The following COG7 variants were observed in gnomAD, a reference collection of about 807,000 sequenced individuals.
The protein encoded by COG7 is component of oligomeric golgi complex 7.
Under a neutral mutation model 91.5 loss-of-function variants are expected in COG7, and 49 were observed. The ratio of observed to expected loss-of-function variants is 0.54; its 90% confidence interval spans 0.43 to 0.68. COG7 has a LOEUF of 0.68. Among genes scored for constraint, COG7 ranks in the 30% least tolerant of loss-of-function variants. The probability of loss-of-function intolerance (pLI) is 0.00; values close to 1 mark genes in which losing one functional copy is unlikely to be tolerated. For missense variants in COG7, 895 were observed against 961.3 expected (o/e 0.93, Z 0.91); for synonymous variants, 365 against 388.7 (o/e 0.94, Z 0.72).
In COG7 at chr16:23,451,668, A is replaced by C. The variant is rs76055072; in HGVS notation, c.169+1158T>G. On this transcript the variant is annotated intron_variant, in intron 1 of 16. Transcript: ENST00000307149. The stretch of plus-strand genomic sequence containing the variant: ...CCAGAGTTTGAGGCTGCAGTGAACT[A>C]TGATGGTATCACTGCATTCCAGCTT... Among the ~76,000 whole-genome samples the C allele has an allele frequency of 1.1e-4, 17 of 149,116 alleles. 1 individual carries two copies. In the East Asian group the frequency reaches 3.4e-3, roughly 30 times the overall value.
Position 23,403,774 on chromosome 16 carries a change from T to C in COG7, c.1723A>G (p.Asn575Asp). 1 of 1,614,240 alleles carries C rather than the reference T, an allele frequency of 6.2e-7. No individual in the cohort carries two copies. The highest frequency in any genetic ancestry group is 8.5e-7 in the Non-Finnish European group (1 of 1,180,046). Residue 575 changes from asparagine to aspartate, a missense_variant, in exon 13 of 17, where the codon AAC (asparagine) becomes GAC (aspartate). Asn to Asp is a conservative substitution (Grantham distance 23). Coordinates refer to ENST00000307149, the MANE Select transcript of COG7 (RefSeq NM_153603.4). ...AAAGCCAGCTGGTGGGCCTGCTGGT[T>C]AAGCCGAGTCAGCGCTGCTCGAGGT... ...AAPRAALTRLNQQAHQLAFDS... is the reference protein window; with the variant it reads ...AAPRAALTRLDQQAHQLAFDS...
chr16:23,392,460 G>A lies in COG7; in HGVS notation c.2066C>T (p.Thr689Ile). The A allele has an allele frequency of 6.2e-7, 1 of 1,614,174 alleles. No individual in the cohort carries two copies. The highest frequency in any genetic ancestry group is 1.7e-5 in the Admixed American group (1 of 60,022). The change falls in exon 16 of 17, where the codon ACA (threonine) becomes ATA (isoleucine). Residue 689 changes from threonine to isoleucine, a missense_variant. Physicochemically the swap from Thr to Ile is moderately conservative, Grantham distance 89. Coordinates refer to ENST00000307149, the MANE Select transcript of COG7 (RefSeq NM_153603.4). ...DNWLGSIARA[T>I]MQTYCDAILQ... ...GATCGCATCACAGTAGGTCTGCATT[G>A]TGGCTCTGGCGATCGAGCCCAGCCA...
chr16:23,443,422 G>A (rs1596955961), intron 3 of COG7, among the ~76,000 whole-genome samples: 1 of 152,314 alleles, frequency 6.6e-6, no homozygotes, highest in South Asian at 2.1e-4. Context: ...CGGGAAGGGT[G>A]GCTCACGCCC....
chr16:23,404,248 C>T (rs963771077), intron 12 of COG7, among the ~76,000 whole-genome samples: 26 of 152,190 alleles, frequency 1.7e-4, no homozygotes, highest in African/African-American at 5.8e-4. Context: ...CCCTAATTCC[C>T]GGGGAGGTCA....
chr16:23,433,938 G>C (rs910763283), intron 5 of COG7, among the ~76,000 whole-genome samples: 6 of 152,020 alleles, frequency 3.9e-5, no homozygotes, highest in African/African-American at 1.2e-4. Context: ...GCAACCACTT[G>C]GCACACCATC....
chr16:23,406,590 T>C (rs1195440844), intron 11 of COG7, among the ~76,000 whole-genome samples: 1 of 152,222 alleles, frequency 6.6e-6, no homozygotes, highest in Non-Finnish European at 1.5e-5. Context: ...TGGAGACTTT[T>C]CTTGCTATAT....
rs1166660536 is a variant in COG7 at position 23,417,075 on chromosome 16, A to G, written c.1184T>C (p.Val395Ala). The G allele has an allele frequency of 1.2e-6, 2 of 1,614,232 alleles. No homozygotes were observed. The change falls in exon 9 of 17, where the codon GTG (valine) becomes GCG (alanine). Residue 395 changes from valine (V) to alanine (A), a missense_variant. Coordinates refer to ENST00000307149, the MANE Select transcript of COG7 (RefSeq NM_153603.4). ...AGACGCCAGACCAAACAGCTTGTTCACGGAGTGGCTCAGCTCCTGCACACA... is the reference window on the plus strand; with the variant it reads ...AGACGCCAGACCAAACAGCTTGTTCGCGGAGTGGCTCAGCTCCTGCACACA... ...IDCVQELSHSVNKLFGLASAA... is the reference protein window; with the variant it reads ...IDCVQELSHSANKLFGLASAA...
chr16:23,397,957 T>C (rs1963311259), intron 14 of COG7, 89 bp downstream of exon 14: 1 of 1,129,082 alleles, frequency 8.9e-7, no homozygotes, highest in Non-Finnish European at 1.3e-6. Context: ...ATAGCACCCA[T>C]GGGGAAATGA....
At chr16:23,438,643 A>G (rs1230729163) in intron 4 of COG7, among the ~76,000 whole-genome samples, 1 of 152,188 alleles carries the variant, frequency 6.6e-6, no homozygotes, top group African/African-American at 2.4e-5. Flanking sequence ...TAAGCAAATG[A>G]AAATACACTC....
intron 16 of COG7, among the ~76,000 whole-genome samples, chr16:23,391,327 G>A (rs1250672659): frequency 6.6e-6 from 1 of 152,212 alleles, no homozygotes; most frequent in African/African-American, 2.4e-5. Context: ...TCCCCCTGCT[G>A]CTGCTTGTAC....
rs554871778 is a variant in COG7, at chr16:23,413,564, C to T, written c.1293G>A (p.Lys431=). The change falls in exon 10 of 17, where the codon AAG becomes AAA. Residue 431 remains lysine (K), a splice_region_variant and synonymous_variant. Transcript: ENST00000307149. ...GAGTGCTGGTGAAATCAGACACATA[C>T]CTGCCGGGAAAGGGAAGAAAATGGT... ...LLSALKSLFA[K]YVSDFTSTLQ... 6 of 1,559,956 alleles carry T rather than the reference C, an allele frequency of 3.8e-6. No homozygotes were observed. Among genetic ancestry groups the T allele is most frequent in the Non-Finnish European group, 5.3e-6 (6 of 1,130,844 alleles).
At chr16:23,428,799 C>T (rs569336169) in intron 6 of COG7, among the ~76,000 whole-genome samples, 1 of 150,832 alleles carries the variant, frequency 6.6e-6, no homozygotes, top group East Asian at 2.0e-4. Flanking sequence ...TCAAGCGATT[C>T]TCCTGCCTCA....
At position 23,445,946 on chromosome 16, in the gene COG7, G is replaced by C; in HGVS notation, c.185C>G (p.Ala62Gly). 7 of 1,609,126 alleles carry C rather than the reference G, an allele frequency of 4.4e-6. No individual in the cohort carries two copies. The highest frequency in any genetic ancestry group is 5.9e-6 in the Non-Finnish European group (7 of 1,178,146). Residue 62 changes from alanine (A) to glycine (G), a missense_variant, in exon 2 of 17, where the codon GCT becomes GGT. Transcript: ENST00000307149. ...NHAVEETSHQALQNMPKVLRD... is the reference protein window; with the variant it reads ...NHAVEETSHQGLQNMPKVLRD... ...GAGCACTTTGGGCATGTTCTGGAGA[G>C]CTTGGTGACTTGTTTCTGTAGTTAA... is the stretch of plus-strand genomic sequence containing the variant.
rs181941153 is a variant in COG7 at position 23,419,653 on chromosome 16, G to A, written c.1010-826C>T. On this transcript the variant is annotated intron_variant, in intron 7 of 16. Transcript: ENST00000307149. ...AATTCCTGCTACTCGGGAGGCTGAGGCAGGAGAATTGCTTGAACCCAGGAG... is the reference window on the plus strand; with the variant it reads ...AATTCCTGCTACTCGGGAGGCTGAGACAGGAGAATTGCTTGAACCCAGGAG... Among the ~76,000 whole-genome samples, 238 of 150,384 alleles carry A rather than the reference G, an allele frequency of 1.6e-3. 1 individual carries two copies. Among genetic ancestry groups the A allele is most frequent in the African/African-American group, 5.5e-3 (222 of 40,710 alleles).
chr16:23,430,611 G>A (rs1269474810), intron 6 of COG7, among the ~76,000 whole-genome samples: 4 of 150,958 alleles, frequency 2.6e-5, no homozygotes, highest in Admixed American at 6.6e-5. Flanking sequence ...GCACAATCTC[G>A]GCTCACAGCA....
At position 23,445,075 on chromosome 16, in the gene COG7, G is replaced by A. The variant is rs780107141; in HGVS notation, c.408C>T (p.Ala136=). Residue 136 remains alanine, a synonymous_variant, in exon 3 of 17, where the codon GCC becomes GCT. Transcript: ENST00000307149. ...QEADKWSTLS[A]DIEETFKTQD... is the part of the protein sequence containing the mutation. Reference sequence around the variant, plus strand: ...GAGTCTTAAATGTCTCCTCAATATCGGCGCTCAACGTGCTCCACTTATCTG... The same window carrying A: ...GAGTCTTAAATGTCTCCTCAATATCAGCGCTCAACGTGCTCCACTTATCTG... The A allele has an allele frequency of 1.9e-5, 30 of 1,613,652 alleles. No homozygotes were observed. The highest frequency in any genetic ancestry group is 2.7e-5 in the African/African-American group (2 of 74,812).
chr16:23,453,078 G>C lies in COG7; in HGVS notation c.-84C>G. On this transcript the variant is annotated 5_prime_UTR_variant, in exon 1 of 17. Coordinates refer to ENST00000307149, the MANE Select transcript of COG7 (RefSeq NM_153603.4). ...GGGATGCAGAAGCGAGCGAGCCTGC[G>C]AGAGCACCGAGGCTAGCCTCCGAGG... 1.3e-6 allele frequency: 2 copies of C among 1,592,048 alleles called. No homozygotes were observed.
At chr16:23,397,593 A>T (rs377191119) in intron 14 of COG7, among the ~76,000 whole-genome samples, 45 of 152,148 alleles carry the variant, frequency 3.0e-4, no homozygotes, top group African/African-American at 1.0e-3. Context: ...TTCTGAAGAG[A>T]TTTGTTTGTT....
intron 14 of COG7, among the ~76,000 whole-genome samples, chr16:23,393,880 A>C (rs1303994174): frequency 6.6e-6 from 1 of 152,036 alleles, no homozygotes; most frequent in Non-Finnish European, 1.5e-5. Flanking sequence ...TATCCTACTA[A>C]AAGTACAAAA....
Sources: allele counts gnomAD v4.1 joint callset (sites outside exome capture counted in the v4.1 genomes callset), GRCh38; gene constraint gnomAD v4.1.1; transcripts MANE v1.5; gene names NCBI Gene and HGNC (gene_info 2026-07-23, HGNC 2026-07-21).